TACC2: variants seen among roughly 807,000 people sequenced by gnomAD.
The protein encoded by TACC2 is transforming acidic coiled-coil-containing protein 2.
A neutral mutation model predicts 227.3 loss-of-function variants in TACC2; 137 were observed. That is an observed-to-expected ratio of 0.60 (90% CI 0.52 to 0.69). TACC2 has a LOEUF of 0.69. TACC2 is among the 30% of genes least tolerant of loss of function. The pLI is 0.00. For synonymous variants in TACC2, 1,523 were observed against 1,487.5 expected (o/e 1.02, Z -0.55); for missense variants, 3,470 against 3,694.4 (o/e 0.94, Z 1.57).
intron 5 of TACC2, among the ~76,000 whole-genome samples, chr10:122,125,123 C>CCATG (rs2086585718): frequency 6.6e-6 from 1 of 152,154 alleles, no homozygotes; most frequent in African/African-American, 2.4e-5. Context: ...AAAGCATGTG[C>CCATG]CATGCTCTAT....
chr10:122,156,565 CAG>C (rs201591232), intron 7 of TACC2, among the ~76,000 whole-genome samples: 1,684 of 152,296 alleles, frequency 0.011, 35 homozygotes, highest in African/African-American at 0.037. Context: ...GGGCTTCTCT[CAG>C]TTCTTTCATC....
At chr10:122,033,326 C>T (rs1328131248) in intron 2 of TACC2, among the ~76,000 whole-genome samples, 2 of 152,198 alleles carry the variant, frequency 1.3e-5, no homozygotes, top group Non-Finnish European at 2.9e-5. Context: ...CAGTCGAAAT[C>T]GACAATTTAT....
chr10:122,186,054 G>A (rs758986505), intron 7 of TACC2, among the ~76,000 whole-genome samples: 28 of 151,810 alleles, frequency 1.8e-4, no homozygotes, highest in Non-Finnish European at 3.5e-4. Flanking sequence ...TCAGCCTCCC[G>A]AGTAGCTGGG....
intron 18 of TACC2, among the ~76,000 whole-genome samples, chr10:122,239,131 G>A (rs563817648): frequency 2.6e-5 from 4 of 152,196 alleles, no homozygotes; most frequent in African/African-American, 9.6e-5. Context: ...GGCCTCCCAA[G>A]TAGCTGGGAT....
At chr10:122,249,191 C>T (rs775938969) in intron 21 of TACC2, 35 bp downstream of exon 21, 7 of 1,520,738 alleles carry the variant, frequency 4.6e-6, no homozygotes, top group Non-Finnish European at 6.3e-6. Flanking sequence ...CTCCCAGGGG[C>T]CTCCCAGCAG....
At chr10:122,134,930 C>T (rs915200368) in intron 6 of TACC2, among the ~76,000 whole-genome samples, 1 of 152,198 alleles carries the variant, frequency 6.6e-6, no homozygotes, top group African/African-American at 2.4e-5. Context: ...TTGTCCCAGG[C>T]TCCATAGTAG....
chr10:122,036,477 G>A (rs921014018), intron 2 of TACC2, among the ~76,000 whole-genome samples: 10 of 145,730 alleles, frequency 6.9e-5, no homozygotes, highest in African/African-American at 2.3e-4. Flanking sequence ...ACAGGCATGC[G>A]CCACCGTGCC....
At chr10:122,253,245 T>C (rs1440453502) in intron 22 of TACC2, among the ~76,000 whole-genome samples, 1 of 152,140 alleles carries the variant, frequency 6.6e-6, no homozygotes, top group African/African-American at 2.4e-5. Flanking sequence ...AGAAGGCCAT[T>C]GGAGATCGGT....
chr10:122,140,925 AG>A (rs2090438432), intron 6 of TACC2, among the ~76,000 whole-genome samples: 1 of 152,200 alleles, frequency 6.6e-6, no homozygotes, highest in African/African-American at 2.4e-5. Context: ...ACTCAGTGGA[AG>A]GACCTGATCA....
chr10:122,135,810 G>A (rs1336262549), intron 6 of TACC2, among the ~76,000 whole-genome samples: 2 of 152,202 alleles, frequency 1.3e-5, no homozygotes, highest in African/African-American at 2.4e-5. Context: ...ACGAGGCAAC[G>A]CCCTGCCTTC....
chr10:122,123,695 A>C (rs1383144744), intron 5 of TACC2, among the ~76,000 whole-genome samples: 1 of 151,836 alleles, frequency 6.6e-6, no homozygotes, highest in African/African-American at 2.4e-5. Context: ...TTCAAAACTG[A>C]TGTGAGCCCC....
intron 7 of TACC2, among the ~76,000 whole-genome samples, chr10:122,184,425 T>C (rs1266029188): frequency 6.6e-6 from 1 of 152,184 alleles, no homozygotes; most frequent in Non-Finnish European, 1.5e-5. Context: ...CCTTAATCCA[T>C]GTTGCCCTGG....
intron 1 of TACC2, among the ~76,000 whole-genome samples, chr10:122,004,622 T>C (rs1047640997): frequency 1.3e-5 from 2 of 152,220 alleles, no homozygotes; most frequent in Admixed American, 6.5e-5. Flanking sequence ...GAGGACCTTT[T>C]TTCCACATTC....
In TACC2 at chr10:122,144,269, A is replaced by G. The variant is rs975968281; in HGVS notation, c.5834+563A>G. 2.6e-4 allele frequency among the ~76,000 whole-genome samples: 39 copies of G among 152,312 alleles called. 2 individuals carry two copies. The highest frequency in any genetic ancestry group is 2.0e-3 in the Admixed American group (30 of 15,294). On this transcript the variant is annotated intron_variant, in intron 7 of 22. Coordinates refer to ENST00000369005, the MANE Select transcript of TACC2 (RefSeq NM_206862.4). ...CTTTACTCAAAATCTACTGATTTCA[A>G]TATTAATCTCATGTAAAAAATATCT... is the stretch of plus-strand genomic sequence containing the variant.
Position 122,083,465 on chromosome 10 carries a change from A to C in TACC2, c.965A>C (p.Glu322Ala). 6.2e-7 allele frequency: 1 copy of C among 1,613,320 alleles called. No homozygotes were observed. The highest frequency in any genetic ancestry group is 8.5e-7 in the Non-Finnish European group (1 of 1,180,020). ...LPRSNSGAAP[E>A]AEVNAASQES... ...AGGAGCAATTCAGGGGCTGCCCCAG[A>C]AGCAGAAGTGAATGCCGCTTCCCAG... The change falls in exon 4 of 23, where the codon GAA becomes GCA. Residue 322 changes from glutamate (E) to alanine (A), a missense_variant. Around this residue, in one of 10 missense-constraint regions of TACC2, gnomAD observed 33 missense variants for 60.4 expected, o/e 0.55. Transcript: ENST00000369005.
chr10:122,161,041 C>T (rs1301303641), intron 7 of TACC2, among the ~76,000 whole-genome samples: 1 of 152,184 alleles, frequency 6.6e-6, no homozygotes, highest in African/African-American at 2.4e-5. Context: ...TTGCTGGACT[C>T]AAGCACATCA....
At chr10:122,247,842 A>G (rs2096160421) in intron 19 of TACC2, 1 of 152,222 alleles carries the variant, frequency 6.6e-6, no homozygotes, top group Non-Finnish European at 1.5e-5. Context: ...GTACCCCAGC[A>G]TTAGTCACAC....
intron 21 of TACC2, 144 bp from the exon 22 acceptor site, chr10:122,249,400 G>A: frequency 8.4e-7 from 1 of 1,192,174 alleles, no homozygotes; most frequent in Non-Finnish European, 1.2e-6. Context: ...TGGGTTTGGT[G>A]TTCTCATGGG....
chr10:122,177,019 A>G (rs2093749575), intron 7 of TACC2, among the ~76,000 whole-genome samples: 2 of 152,280 alleles, frequency 1.3e-5, no homozygotes, highest in Admixed American at 6.5e-5. Flanking sequence ...TTGGTACATC[A>G]CAGTTGCCTG....
Sources: gnomAD v4.1 joint callset for allele counts (sites outside exome capture counted in the v4.1 genomes callset) on GRCh38, gnomAD v4.1.1 for gene constraint, gnomAD v4.1.1 regional missense constraint, MANE v1.5 for transcripts, NCBI Gene and HGNC (gene_info 2026-07-23, HGNC 2026-07-21) for gene names.